The following YME1L1 variants were observed in gnomAD, a reference collection of about 807,000 sequenced individuals.
YME1L1 encodes YME1 like 1 ATPase.
YME1L1 carries 39 observed loss-of-function variants against 90.4 expected under a neutral mutation model. The observed-to-expected ratio is 0.43, with a 90% CI of 0.33 to 0.56. The LOEUF (loss-of-function observed/expected upper bound fraction) is 0.56. Ranked by LOEUF, YME1L1 falls within the 20% of genes least tolerant of loss-of-function variation. The pLI, the probability that YME1L1 is intolerant of heterozygous loss-of-function variation, is 0.03. For synonymous variants in YME1L1, 284 were observed against 287.3 expected, an observed-to-expected ratio of 0.99 and a Z score of 0.12; for missense variants, 617 against 868.4, an observed-to-expected ratio of 0.71 and a Z score of 3.64.
At chr10:27,148,837 T>C (rs1219884786) in intron 2 of YME1L1, 69 bp downstream of exon 2, 1 of 1,578,152 alleles carries the variant, frequency 6.3e-7, no homozygotes, top group African/African-American at 1.4e-5. Flanking sequence ...ATATCCTTAA[T>C]CCTTCATTTG....
Position 27,151,843 on chromosome 10 carries a change from T to G in YME1L1, c.33+2335A>C, listed in dbSNP as rs567112500. Among the ~76,000 whole-genome samples, 560 of 148,052 alleles carry G rather than the reference T, an allele frequency of 3.8e-3. 3 individuals are homozygous for G. The highest frequency in any genetic ancestry group is 0.021 in the South Asian group (97 of 4,728). On this transcript the variant is annotated intron_variant, in intron 1 of 18. Coordinates refer to ENST00000376016, the MANE Select transcript of YME1L1 (RefSeq NM_014263.4). ...TTGCAGTGAGCGGAGATCGCGCCAC[T>G]GCACTCCAGCCTGGGCGACAGAGCG... is the stretch of plus-strand genomic sequence containing the variant.
Position 27,111,941 on chromosome 10 carries a change from CAAT to C in YME1L1, c.*33_*35del. On this transcript the variant is annotated 3_prime_UTR_variant, in exon 19 of 19. Transcript: ENST00000376016. ...TACTGCAATGCTACTTGTATTCTTG[CAAT>C]AAAACCAGCAAGCATCCATATCAAG... 6.2e-7 allele frequency: 1 copy of C among 1,612,536 alleles called. No homozygotes were observed. The highest frequency in any genetic ancestry group is 1.1e-5 in the South Asian group (1 of 91,028).
intron 11 of YME1L1, 69 bp downstream of exon 11, chr10:27,122,772 G>T (rs2056879907): frequency 1.3e-6 from 2 of 1,582,382 alleles, no homozygotes; most frequent in African/African-American, 1.4e-5. Flanking sequence ...ATTTGCATAA[G>T]ATCAATTCTA....
rs200499758 is a variant in YME1L1 at position 27,123,015 on chromosome 10, A to G, written c.1103-42T>C. The G allele has an allele frequency of 1.1e-4, 179 of 1,584,050 alleles. No homozygotes were observed. In the African/African-American group the frequency reaches 2.3e-3, roughly 20 times the overall value. On this transcript the variant is annotated intron_variant, in intron 10 of 18. Transcript: ENST00000376016. Reference sequence around the variant, plus strand: ...CATTCAAATAAGCTGAAAGAAAGTCAACACTTTTGAACAAAACGAGATAAA... The same window carrying G: ...CATTCAAATAAGCTGAAAGAAAGTCGACACTTTTGAACAAAACGAGATAAA...
At chr10:27,113,396 C>T (rs958094380) in intron 18 of YME1L1, among the ~76,000 whole-genome samples, 1 of 150,918 alleles carries the variant, frequency 6.6e-6, no homozygotes, top group Non-Finnish European at 1.5e-5. Context: ...TTGGGCCGGG[C>T]GCAGTGGCTC....
chr10:27,126,172 CT>C (rs2056917596), intron 9 of YME1L1, among the ~76,000 whole-genome samples: 1 of 152,088 alleles, frequency 6.6e-6, no homozygotes, highest in Admixed American at 6.6e-5. Context: ...GTTGAGTGCG[CT>C]GGCTCATGCC....
chr10:27,135,299 A>G (rs1233044922), intron 5 of YME1L1, among the ~76,000 whole-genome samples: 1 of 152,190 alleles, frequency 6.6e-6, no homozygotes, highest in Non-Finnish European at 1.5e-5. Context: ...TAGAGGAAAA[A>G]ATCTCATTAA....
rs531991732 is a variant in YME1L1 at position 27,144,991 on chromosome 10, A to G, written c.331+437T>C. On this transcript the variant is annotated intron_variant, in intron 3 of 18. Transcript: ENST00000376016. ...CCCATCTCTACTAAAAATACAAAAA[A>G]TTAGCCGGGCGTGGTGGCGGGCGCC... Among the ~76,000 whole-genome samples the G allele has an allele frequency of 3.3e-5, 5 of 152,214 alleles. No individual in the cohort carries two copies. In the South Asian group the frequency reaches 6.2e-4, roughly 19 times the overall value.
intron 3 of YME1L1, 78 bp downstream of exon 3, chr10:27,145,350 G>T: frequency 2.4e-6 from 3 of 1,230,272 alleles, no homozygotes; most frequent in Non-Finnish European, 2.2e-6. Context: ...AAACGCTACT[G>T]TGAAAGCTAA....
intron 2 of YME1L1, among the ~76,000 whole-genome samples, chr10:27,147,938 T>A (rs111711640): frequency 0.1 from 15,149 of 152,040 alleles, 2,471 homozygotes; most frequent in African/African-American, 0.34. Flanking sequence ...CACGTTACCC[T>A]GGCATGACAT....
At chr10:27,142,784 C>G (rs993009823) in intron 3 of YME1L1, among the ~76,000 whole-genome samples, 2 of 152,154 alleles carry the variant, frequency 1.3e-5, no homozygotes, top group Non-Finnish European at 2.9e-5. Context: ...GGCACGACCT[C>G]GGCTCACCGC....
At chr10:27,135,622 T>C (rs16927573) in intron 5 of YME1L1, among the ~76,000 whole-genome samples, 6,851 of 152,140 alleles carry the variant, frequency 0.045, 269 homozygotes, top group Admixed American at 0.12. Flanking sequence ...TAAGCAATCT[T>C]ATATAAGACT....
intron 9 of YME1L1, among the ~76,000 whole-genome samples, chr10:27,125,470 A>AAAAC (rs1554804625): frequency 3.7e-4 from 56 of 150,934 alleles, no homozygotes; most frequent in African/African-American, 1.3e-3. Flanking sequence ...AAAAAAAAAA[A>AAAAC]AAAAAAACAA....
chr10:27,152,101 A>G (rs1052668380), intron 1 of YME1L1, among the ~76,000 whole-genome samples: 5 of 152,052 alleles, frequency 3.3e-5, no homozygotes, highest in Admixed American at 6.6e-5. Context: ...AAGAAACAGT[A>G]AGTTCCTTAC....
At chr10:27,151,378 G>T (rs886554860) in intron 1 of YME1L1, among the ~76,000 whole-genome samples, 1 of 152,188 alleles carries the variant, frequency 6.6e-6, no homozygotes, top group African/African-American at 2.4e-5. Flanking sequence ...CTGTTAAGAG[G>T]TGGGACCTTT....
chr10:27,131,772 G>T, intron 8 of YME1L1, 87 bp downstream of exon 8: 1 of 983,168 alleles, frequency 1.0e-6, no homozygotes, highest in Non-Finnish European at 1.5e-6. Flanking sequence ...ACCTATTCTA[G>T]AATACACTGT....
chr10:27,149,242 CA>C (rs1372595468), intron 1 of YME1L1, among the ~76,000 whole-genome samples: 2 of 152,030 alleles, frequency 1.3e-5, no homozygotes, highest in African/African-American at 4.8e-5. Context: ...ATATGTAAAT[CA>C]AAAGTATCAA....
At chr10:27,145,752 C>T (rs1051700223) in intron 2 of YME1L1, 162 bp from the exon 3 acceptor site, 39 of 590,262 alleles carry the variant, frequency 6.6e-5, no homozygotes, top group Non-Finnish European at 9.1e-5. Context: ...TTTCACAGTT[C>T]GTTTTACTGA....
rs759901344 is a variant in YME1L1 at position 27,134,079 on chromosome 10, TAGC to T, written c.732_734del (p.Leu245del). Reference sequence around the variant, plus strand: ...TTTTTAGAAGTCCATAAATGCCGAATAGCAGCAGAACGAAGAGAATCAGACGGG... The same window carrying T: ...TTTTTAGAAGTCCATAAATGCCGAATAGCAGAACGAAGAGAATCAGACGGG... On this transcript the variant is annotated inframe_deletion, in exon 7 of 19. Coordinates refer to ENST00000376016, the MANE Select transcript of YME1L1 (RefSeq NM_014263.4). 1.2e-6 allele frequency: 2 copies of T among 1,613,788 alleles called. No individual in the cohort carries two copies. The highest frequency in any genetic ancestry group is 2.2e-5 in the East Asian group (1 of 44,866).
Sources: gnomAD v4.1 joint callset for allele counts (sites outside exome capture counted in the v4.1 genomes callset) on GRCh38, gnomAD v4.1.1 for gene constraint, MANE v1.5 for transcripts, NCBI Gene and HGNC (gene_info 2026-07-23, HGNC 2026-07-21) for gene names.